The following JCHAIN variants were observed in gnomAD, a reference collection of about 807,000 sequenced individuals.
JCHAIN encodes immunoglobulin J chain.
JCHAIN carries 5 observed loss-of-function variants against 11.1 expected under a neutral mutation model. The observed-to-expected ratio is 0.45, with a 90% confidence interval of 0.24 to 0.95. The LOEUF (loss-of-function observed/expected upper bound fraction) is 0.95. Among genes scored for constraint, JCHAIN ranks in the 40% least tolerant of loss-of-function variants. JCHAIN has a pLI of 0.21. For synonymous variants in JCHAIN, 51 were observed against 67.8 expected (o/e 0.75, Z 1.22); for missense variants, 165 against 192.7 (o/e 0.86, Z 0.85).
At position 70,666,501 on chromosome 4, in the gene JCHAIN, C is replaced by T; in HGVS notation, c.-11G>A. ...CAAATGGTTCTTCATCTTGACTTCA[C>T]TTCTTCTGAAAAACTGGAGCAAAAA... On this transcript the variant is annotated 5_prime_UTR_variant, in exon 1 of 4. It adds an upstream start codon to the 5' untranslated region. Coordinates refer to ENST00000254801, the MANE Select transcript of JCHAIN (RefSeq NM_144646.4). 6.2e-7 allele frequency: 1 copy of T among 1,609,480 alleles called. No individual in the cohort carries two copies.
chr4:70,662,356 C>T (rs530171683), intron 1 of JCHAIN, 141 bp from the exon 2 acceptor site: 1 of 680,926 alleles, frequency 1.5e-6, no homozygotes, highest in East Asian at 2.7e-5. Context: ...GTTCTCTAAG[C>T]AGAATCTTAC....
In JCHAIN at chr4:70,656,212, C is replaced by T. The variant is rs1241360025; in HGVS notation, c.*117G>A. 2 of 688,912 alleles carry T rather than the reference C, an allele frequency of 2.9e-6. No homozygotes were observed. Among genetic ancestry groups the T allele is most frequent in the Non-Finnish European group, 4.9e-6 (2 of 410,748 alleles). The allele number at this position is 688,912 out of a possible 1,614,324, so 42.7% of individuals were successfully genotyped here. A position where few individuals can be genotyped will look rare whatever the true frequency, so the allele number is the denominator to read the frequency against. On this transcript the variant is annotated 3_prime_UTR_variant, in exon 4 of 4. Transcript: ENST00000254801. ...GTGGCAGGGAGTTGGTTTTACATCA[C>T]CCAAAAAAAAAAAAAAGCCCTGGTT...
At position 70,656,103 on chromosome 4, in the gene JCHAIN, A is replaced by G. The variant is rs562703801; in HGVS notation, c.*226T>C. 554 of 491,728 alleles carry G rather than the reference A, an allele frequency of 1.1e-3. 12 individuals carry two copies. The South Asian group carries it at 0.017, about 15-fold the overall frequency. The allele number at this position is 491,728 out of a possible 1,614,324, so 30.5% of individuals were successfully genotyped here. A position where few individuals can be genotyped will look rare whatever the true frequency, so the allele number is the denominator to read the frequency against. ...CTTTCAGGTGAGCATGATAATTGGA[A>G]GATTTTGATACTTAGAGTATGAACA... On this transcript the variant is annotated 3_prime_UTR_variant, in exon 4 of 4. Coordinates refer to ENST00000254801, the MANE Select transcript of JCHAIN (RefSeq NM_144646.4).
At chr4:70,664,470 A>T (rs1370161687) in intron 1 of JCHAIN, among the ~76,000 whole-genome samples, 1 of 152,182 alleles carries the variant, frequency 6.6e-6, no homozygotes, top group Non-Finnish European at 1.5e-5. Flanking sequence ...AGTCTTAATG[A>T]TAAGAGCCAC....
In JCHAIN at chr4:70,662,142, A is replaced by G; in HGVS notation, c.138T>C (p.Arg46=). The G allele has an allele frequency of 6.2e-7, 1 of 1,612,616 alleles. No individual in the cohort carries two copies. The change falls in exon 2 of 4, where the codon CGT becomes CGC. Residue 46 remains arginine, a synonymous_variant. Coordinates refer to ENST00000254801, the MANE Select transcript of JCHAIN (RefSeq NM_144646.4). The part of the protein sequence containing the change: ...KCARITSRII[R]SSEDPNEDIV... The stretch of plus-strand genomic sequence containing the variant: ...TGTCCTCATTAGGATCTTCGGAAGA[A>G]CGGATGATCCTGGAAGTAATCCGGG...
rs1343548619 is a variant in JCHAIN at position 70,666,501 on chromosome 4, C to A, written c.-11G>T. The A allele has an allele frequency of 6.2e-7, 1 of 1,609,362 alleles. No individual in the cohort carries two copies. Among genetic ancestry groups the A allele is most frequent in the East Asian group, 2.2e-5 (1 of 44,810 alleles). On this transcript the variant is annotated 5_prime_UTR_variant, in exon 1 of 4. Transcript: ENST00000254801. Reference sequence around the variant, plus strand: ...CAAATGGTTCTTCATCTTGACTTCACTTCTTCTGAAAAACTGGAGCAAAAA... The same window carrying A: ...CAAATGGTTCTTCATCTTGACTTCAATTCTTCTGAAAAACTGGAGCAAAAA...
At chr4:70,664,996 A>G (rs1314286104) in intron 1 of JCHAIN, among the ~76,000 whole-genome samples, 1 of 152,214 alleles carries the variant, frequency 6.6e-6, no homozygotes, top group African/African-American at 2.4e-5. Flanking sequence ...TATTTTTCCT[A>G]ACAAACCTGT....
chr4:70,657,915 G>A (rs560165032), intron 2 of JCHAIN, among the ~76,000 whole-genome samples: 6 of 152,234 alleles, frequency 3.9e-5, no homozygotes, highest in Middle Eastern at 6.8e-3. Flanking sequence ...CTTTTTCATC[G>A]TGATGTCCCA....
chr4:70,656,378 G>T lies in JCHAIN; in HGVS notation c.431C>A (p.Thr144Asn), dbSNP rs1267654519. ...GGTTAAGGCTGTTTCCACCATTTTG[G>T]TCTCACCACCATATACGAGTGGGAC... ...AVVPLVYGGE[T>N]KMVETALTPD... is the part of the protein sequence containing the mutation. The change falls in exon 4 of 4, where the codon ACC becomes AAC. Residue 144 changes from threonine to asparagine, a missense_variant. Physicochemically the swap from Thr to Asn is moderately conservative, Grantham distance 65 (BLOSUM62 0). Coordinates refer to ENST00000254801, the MANE Select transcript of JCHAIN (RefSeq NM_144646.4). The T allele has an allele frequency of 2.5e-6, 4 of 1,614,044 alleles. No individual in the cohort carries two copies. The South Asian group carries it at 4.4e-5, about 18-fold the overall frequency.
chr4:70,657,438 G>A (rs1738970374), intron 2 of JCHAIN, 147 bp from the exon 3 acceptor site: 1 of 392,216 alleles, frequency 2.5e-6, no homozygotes. Flanking sequence ...CCGTTACTCA[G>A]ATTTTTATAG....
At chr4:70,660,352 A>C (rs1739030558) in intron 2 of JCHAIN, among the ~76,000 whole-genome samples, 1 of 151,864 alleles carries the variant, frequency 6.6e-6, no homozygotes. Context: ...GAATGTGGGG[A>C]AATAGAGACA....
Position 70,662,176 on chromosome 4 carries a change from C to A in JCHAIN, c.104G>T (p.Cys35Phe). The A allele has an allele frequency of 6.2e-7, 1 of 1,613,398 alleles. No homozygotes were observed. The highest frequency in any genetic ancestry group is 8.5e-7 in the Non-Finnish European group (1 of 1,179,348). ...DERIVLVDNK[C>F]KCARITSRII... is the part of the protein sequence containing the mutation. ...CCTGGAAGTAATCCGGGCACACTTACATTTGTTGTCAACAAGAACAATCCT... is the reference window on the plus strand; with the variant it reads ...CCTGGAAGTAATCCGGGCACACTTAAATTTGTTGTCAACAAGAACAATCCT... Residue 35 changes from cysteine (C) to phenylalanine (F), a missense_variant, in exon 2 of 4, where the codon TGT becomes TTT. Physicochemically the swap from Cys to Phe is radical, Grantham distance 205. Coordinates refer to ENST00000254801, the MANE Select transcript of JCHAIN (RefSeq NM_144646.4).
chr4:70,661,688 A>G (rs1739060694), intron 2 of JCHAIN, among the ~76,000 whole-genome samples: 1 of 152,168 alleles, frequency 6.6e-6, no homozygotes, highest in Non-Finnish European at 1.5e-5. Flanking sequence ...TCTACTGAGG[A>G]GGATCACTTG....
chr4:70,655,925 G>A lies in JCHAIN; in HGVS notation c.*404C>T, dbSNP rs1738941086. 6.5e-6 allele frequency: 1 copy of A among 153,086 alleles called. No individual in the cohort carries two copies. Among genetic ancestry groups the A allele is most frequent in the Non-Finnish European group, 1.4e-5 (1 of 71,586 alleles). 9.5% of individuals were successfully genotyped at this position (153,086 alleles called of 1,614,324 possible). A position where few individuals can be genotyped will look rare whatever the true frequency, so the allele number is the denominator to read the frequency against. On this transcript the variant is annotated 3_prime_UTR_variant, in exon 4 of 4. Coordinates refer to ENST00000254801, the MANE Select transcript of JCHAIN (RefSeq NM_144646.4). ...TAGTAAAGAAAATGCGGAAGCTCTGGCTCTCCAAGGCAAAGTCAAAAAAAA... is the reference window on the plus strand; with the variant it reads ...TAGTAAAGAAAATGCGGAAGCTCTGACTCTCCAAGGCAAAGTCAAAAAAAA...
Position 70,657,301 on chromosome 4 carries a change from A to G in JCHAIN, c.189-10T>C. The G allele has an allele frequency of 6.5e-7, 1 of 1,545,654 alleles. No homozygotes were observed. Among genetic ancestry groups the G allele is most frequent in the Non-Finnish European group, 8.9e-7 (1 of 1,120,070 alleles). On this transcript the variant is annotated splice_polypyrimidine_tract_variant and intron_variant, in intron 2 of 3. Transcript: ENST00000254801. The stretch of plus-strand genomic sequence containing the variant: ...GTTGTTCAGAGGAACACTAAAAGAA[A>G]AGAAAGAAAACAAAGTTAAAACAAT...
chr4:70,659,925 T>C (rs1739023947), intron 2 of JCHAIN, among the ~76,000 whole-genome samples: 1 of 152,028 alleles, frequency 6.6e-6, no homozygotes, highest in Non-Finnish European at 1.5e-5. Context: ...GGCAATATAC[T>C]TTCAGAAATC....
chr4:70,659,761 G>A (rs888608771), intron 2 of JCHAIN, among the ~76,000 whole-genome samples: 2 of 151,630 alleles, frequency 1.3e-5, no homozygotes, highest in African/African-American at 4.8e-5. Context: ...AGCTACTCGG[G>A]GAGGCTGAGG....
At position 70,656,391 on chromosome 4, in the gene JCHAIN, A is replaced by G. The variant is rs147967696; in HGVS notation, c.418T>C (p.Tyr140His). The change falls in exon 4 of 4, where the codon TAT becomes CAT. Residue 140 changes from tyrosine to histidine, a missense_variant. Transcript: ENST00000254801. ...KCYTAVVPLV[Y>H]GGETKMVETA... ...TCCACCATTTTGGTCTCACCACCAT[A>G]TACGAGTGGGACCACAGCTGTGTAG... 72 of 1,613,982 alleles carry G rather than the reference A, an allele frequency of 4.5e-5. No homozygotes were observed. The highest frequency in any genetic ancestry group is 5.2e-5 in the Non-Finnish European group (61 of 1,179,956).
chr4:70,658,244 T>C (rs942624733), intron 2 of JCHAIN, among the ~76,000 whole-genome samples: 1 of 152,302 alleles, frequency 6.6e-6, no homozygotes, highest in African/African-American at 2.4e-5. Flanking sequence ...CTCTCCTAGA[T>C]TGTAACAATG....
Sources: allele counts gnomAD v4.1 joint callset (sites outside exome capture counted in the v4.1 genomes callset), GRCh38; gene constraint gnomAD v4.1.1; transcripts MANE v1.5; gene names NCBI Gene and HGNC (gene_info 2026-07-23, HGNC 2026-07-21).